Variants in MED27 observed in about 807,000 individuals in gnomAD.
The protein encoded by MED27 is mediator of RNA polymerase II transcription subunit 27.
MED27 carries 30 observed loss-of-function variants against 38.2 expected under a neutral mutation model. The observed-to-expected ratio is 0.79, with a 90% CI of 0.59 to 1.07. The LOEUF (loss-of-function observed/expected upper bound fraction) is 1.07. MED27 is among the 50% of genes least tolerant of loss of function. MED27 has a pLI of 0.00. For missense variants in MED27, 289 were observed against 397.5 expected (o/e 0.73, Z 2.32); for synonymous variants, 122 against 153.5 (o/e 0.79, Z 1.52).
At chr9:131,886,612 A>C (rs2030203461) in intron 5 of MED27, among the ~76,000 whole-genome samples, 2 of 152,228 alleles carry the variant, frequency 1.3e-5, no homozygotes, top group Non-Finnish European at 2.9e-5. Flanking sequence ...CTGGAATTAT[A>C]ATGTGACAGC....
chr9:131,998,460 T>A (rs1479999640), intron 3 of MED27, among the ~76,000 whole-genome samples: 1 of 152,090 alleles, frequency 6.6e-6, no homozygotes, highest in Non-Finnish European at 1.5e-5. Flanking sequence ...TCTGCATCCT[T>A]ATTTCCTTCA....
intron 2 of MED27, among the ~76,000 whole-genome samples, chr9:132,065,805 C>T (rs9411436): frequency 0.13 from 19,852 of 152,238 alleles, 1,468 homozygotes; most frequent in East Asian, 0.26. Flanking sequence ...TGATGGGTGT[C>T]GCCCGGGGGA....
At chr9:132,068,698 T>G (rs1188337706) in intron 2 of MED27, among the ~76,000 whole-genome samples, 1 of 151,834 alleles carries the variant, frequency 6.6e-6, no homozygotes, top group Non-Finnish European at 1.5e-5. Context: ...GAGAAGCAGG[T>G]TGGTGGTGGG....
Position 132,045,447 on chromosome 9 carries a change from CACACACAG to C in MED27, c.349-30988_349-30981del, listed in dbSNP as rs1348305271. Among the ~76,000 whole-genome samples, 81 of 149,336 alleles carry C rather than the reference CACACACAG, an allele frequency of 5.4e-4. 2 individuals carry two copies. The highest frequency in any genetic ancestry group is 3.1e-3 in the Admixed American group (47 of 15,122). On this transcript the variant is annotated intron_variant, in intron 2 of 7. Coordinates refer to ENST00000292035, the MANE Select transcript of MED27 (RefSeq NM_004269.4). The stretch of plus-strand genomic sequence containing the variant: ...ACACACACACACACACACACACACA[CACACACAG>C]ACACACACCTTTTACATGCATAATA...
intron 3 of MED27, among the ~76,000 whole-genome samples, chr9:131,970,281 C>T (rs967321309): frequency 6.6e-6 from 1 of 152,234 alleles, no homozygotes; most frequent in Admixed American, 6.5e-5. Flanking sequence ...CGGCGGGACG[C>T]CCGGAGTGGA....
intron 3 of MED27, among the ~76,000 whole-genome samples, chr9:131,993,734 C>T (rs144122373): frequency 3.3e-4 from 50 of 152,312 alleles, no homozygotes; most frequent in Non-Finnish European, 5.3e-4. Flanking sequence ...ATTTCATTAA[C>T]ATCGATGACA....
intron 4 of MED27, among the ~76,000 whole-genome samples, chr9:131,906,451 G>GGGGGTCA (rs1160120364): frequency 5.2e-4 from 3 of 5,808 alleles, no homozygotes; most frequent in Non-Finnish European, 2.2e-3. Context: ...GGAACAGAAA[G>GGGGGTCA]GAGGTCGGAC....
At chr9:131,884,605 C>CTTTTTTTTTTTTT (rs11331082) in intron 5 of MED27, among the ~76,000 whole-genome samples, 1 of 122,706 alleles carries the variant, frequency 8.1e-6, no homozygotes, top group African/African-American at 3.2e-5. Flanking sequence ...ATTCTCTTTA[C>CTTTTTTTTTTTTT]TTTTTTTTTT....
chr9:132,004,103 G>T (rs141793620), intron 3 of MED27, among the ~76,000 whole-genome samples: 1 of 152,128 alleles, frequency 6.6e-6, no homozygotes, highest in East Asian at 1.9e-4. Flanking sequence ...GAAACCCCCC[G>T]GGACGCAGCA....
At chr9:132,018,291 C>T (rs763869326) in intron 2 of MED27, among the ~76,000 whole-genome samples, 6 of 152,222 alleles carry the variant, frequency 3.9e-5, no homozygotes, top group Admixed American at 6.5e-5. Flanking sequence ...AGAGTCCAAA[C>T]TACTGGGAGT....
chr9:131,988,070 C>T (rs1438086272), intron 3 of MED27, among the ~76,000 whole-genome samples: 2 of 152,186 alleles, frequency 1.3e-5, no homozygotes, highest in South Asian at 2.1e-4. Flanking sequence ...AAATCATTTC[C>T]GTAAATACAA....
chr9:132,028,580 T>G (rs1658877395), intron 2 of MED27, among the ~76,000 whole-genome samples: 1 of 152,062 alleles, frequency 6.6e-6, no homozygotes, highest in Non-Finnish European at 1.5e-5. Flanking sequence ...ATACCCTGCC[T>G]ACACAAATGA....
intron 2 of MED27, among the ~76,000 whole-genome samples, chr9:132,020,596 C>T (rs943623919): frequency 6.6e-6 from 1 of 152,180 alleles, no homozygotes; most frequent in South Asian, 2.1e-4. Context: ...GACCTTTGCC[C>T]CTCATTACTG....
chr9:131,874,535 G>A (rs1475104832), intron 6 of MED27, among the ~76,000 whole-genome samples: 1 of 152,148 alleles, frequency 6.6e-6, no homozygotes, highest in Non-Finnish European at 1.5e-5. Flanking sequence ...GGAAAGGGGA[G>A]CGGAGTGAGA....
chr9:131,979,706 T>C (rs1473452532), intron 3 of MED27, among the ~76,000 whole-genome samples: 1 of 152,230 alleles, frequency 6.6e-6, no homozygotes, highest in African/African-American at 2.4e-5. Flanking sequence ...ATTTTAGAAA[T>C]GTGACATCTC....
chr9:132,072,021 C>T (rs942194839), intron 2 of MED27, among the ~76,000 whole-genome samples: 4 of 150,316 alleles, frequency 2.7e-5, no homozygotes, highest in African/African-American at 4.9e-5. Context: ...CACGTGTATG[C>T]GCAACACGCA....
intron 5 of MED27, among the ~76,000 whole-genome samples, chr9:131,888,792 A>G (rs1839182144): frequency 1.3e-5 from 2 of 152,158 alleles, no homozygotes; most frequent in South Asian, 4.1e-4. Context: ...ATAAACTTCT[A>G]TGTGGTCACC....
chr9:131,874,864 TG>T (rs1220398246), intron 6 of MED27, among the ~76,000 whole-genome samples: 2 of 152,202 alleles, frequency 1.3e-5, no homozygotes, highest in African/African-American at 4.8e-5. Context: ...ACCCACTTGG[TG>T]TGATATTATT....
chr9:132,068,342 A>G (rs1046989171), intron 2 of MED27, among the ~76,000 whole-genome samples: 2 of 152,220 alleles, frequency 1.3e-5, no homozygotes, highest in Admixed American at 1.3e-4. Flanking sequence ...AAAGCCTCCA[A>G]GTGCCAGCGA....
Sources: allele counts gnomAD v4.1 joint callset (sites outside exome capture counted in the v4.1 genomes callset), GRCh38; gene constraint gnomAD v4.1.1; transcripts MANE v1.5; gene names NCBI Gene and HGNC (gene_info 2026-07-23, HGNC 2026-07-21).